The following BRCA1 variants were observed in gnomAD, a reference collection of about 807,000 sequenced individuals.
The protein encoded by BRCA1 is breast cancer type 1 susceptibility protein.
BRCA1 carries 140 observed loss-of-function variants against 173.7 expected under a neutral mutation model. The observed-to-expected ratio is 0.81, with a 90% CI of 0.70 to 0.93. The LOEUF (loss-of-function observed/expected upper bound fraction) is 0.93, where lower values mean the gene tolerates loss of function less well. BRCA1 is among the 40% of genes least tolerant of loss of function. The probability of loss-of-function intolerance (pLI) is 0.00; values close to 1 mark genes in which losing one functional copy is unlikely to be tolerated. For synonymous variants in BRCA1, 662 were observed against 756.0 expected (o/e 0.88, Z 2.04); for missense variants, 1,983 against 2,172.5 (o/e 0.91, Z 1.73).
At chr17:43,134,328 CA>C (rs1375075569) in intron 1 of BRCA1, among the ~76,000 whole-genome samples, 1 of 152,166 alleles carries the variant, frequency 6.6e-6, no homozygotes, top group Non-Finnish European at 1.5e-5. Flanking sequence ...GACAAGCCTG[CA>C]GACCTTTCAA....
At chr17:43,084,460 C>T (rs947259932) in intron 11 of BRCA1, among the ~76,000 whole-genome samples, 1 of 152,164 alleles carries the variant, frequency 6.6e-6, no homozygotes, top group Non-Finnish European at 1.5e-5. Flanking sequence ...GTCACTGTGC[C>T]TGGCTTCAAA....
At chr17:43,121,252 G>A (rs962832936) in intron 2 of BRCA1, among the ~76,000 whole-genome samples, 1 of 149,524 alleles carries the variant, frequency 6.7e-6, no homozygotes. Context: ...GTGGGCGCCT[G>A]TAGTCCCAGC....
Position 43,132,180 on chromosome 17 carries a change from G to T in BRCA1, c.-19-8065C>A, listed in dbSNP as rs371058039. ...AGAGAGGTTTTGGTACTTGCCTGAGGTCACACACTCTGGGCTCTCTGCTTG... is the reference window on the plus strand; with the variant it reads ...AGAGAGGTTTTGGTACTTGCCTGAGTTCACACACTCTGGGCTCTCTGCTTG... On this transcript the variant is annotated intron_variant, in intron 1 of 7. Coordinates refer to the BRCA1 transcript ENST00000634433. 6.6e-5 allele frequency among the ~76,000 whole-genome samples: 10 copies of T among 152,306 alleles called. No homozygotes were observed. The South Asian group carries it at 1.0e-3, about 16-fold the overall frequency.
chr17:43,124,763 T>C (rs2055790717), intron 1 of BRCA1: 1 of 210,310 alleles, frequency 4.8e-6, no homozygotes, highest in Non-Finnish European at 9.8e-6. Context: ...TTTTGTTTTG[T>C]TTTGTTTTGT....
Position 43,052,344 on chromosome 17 carries a change from G to A in BRCA1, c.5278-1227C>T, listed in dbSNP as rs111563453. The stretch of plus-strand genomic sequence containing the variant: ...CACTCAGGCTGGAGTACAGTGGCAC[G>A]ATCATAGCTTGCTGCAGTATTGAAC... On this transcript the variant is annotated intron_variant, in intron 19 of 22. Transcript: ENST00000357654. Among the ~76,000 whole-genome samples, 713 of 151,992 alleles carry A rather than the reference G, an allele frequency of 4.7e-3. 10 individuals carry two copies. The highest frequency in any genetic ancestry group is 0.016 in the African/African-American group (658 of 41,454).
At chr17:43,072,249 C>A (rs183687995) in intron 14 of BRCA1, among the ~76,000 whole-genome samples, 1 of 151,384 alleles carries the variant, frequency 6.6e-6, no homozygotes, top group East Asian at 2.0e-4. Context: ...ATTAGCCGGG[C>A]GTGGTGGTGC....
chr17:43,087,816 C>T (rs897870136), intron 11 of BRCA1, among the ~76,000 whole-genome samples: 1 of 152,080 alleles, frequency 6.6e-6, no homozygotes, highest in Non-Finnish European at 1.5e-5. Context: ...CTCACCACGG[C>T]CTCAACTTGC....
chr17:43,094,696 G>C lies in BRCA1; in HGVS notation c.835C>G (p.His279Asp), dbSNP rs1380919500. Residue 279 changes from histidine (H) to aspartate (D), a missense_variant, in exon 10 of 23, where the codon CAT becomes GAT. By Grantham distance (81) the His-to-Asp change is moderately conservative. Transcript: ENST00000357654. Reference sequence around the variant, plus strand: ...TTCTCATGCTGTAATGAGCTGGCATGAGTATTTGTGCCACATGGCTCCACA... The same window carrying C: ...TTCTCATGCTGTAATGAGCTGGCATCAGTATTTGTGCCACATGGCTCCACA... ...LHVEPCGTNTHASSLQHENSS... is the reference protein window; with the variant it reads ...LHVEPCGTNTDASSLQHENSS... 1 of 1,613,360 alleles carries C rather than the reference G, an allele frequency of 6.2e-7. No homozygotes were observed. Among genetic ancestry groups the C allele is most frequent in the Non-Finnish European group, 8.5e-7 (1 of 1,179,522 alleles).
chr17:43,160,669 T>C (rs1290245424), intron 1 of BRCA1: 2 of 152,124 alleles, frequency 1.3e-5, no homozygotes, highest in Admixed American at 6.5e-5. Context: ...TTTTCTTTCT[T>C]TGGAGGCAGA....
At chr17:43,123,291 C>T (rs2055669110) in intron 2 of BRCA1, among the ~76,000 whole-genome samples, 1 of 150,690 alleles carries the variant, frequency 6.6e-6, no homozygotes, top group Admixed American at 6.6e-5. Flanking sequence ...TGTACAGAGC[C>T]AGTTTCAAAC....
At chr17:43,167,550 C>G (rs2056276082) in intron 1 of BRCA1, 1 of 152,128 alleles carries the variant, frequency 6.6e-6, no homozygotes, top group Admixed American at 6.5e-5. Context: ...CCAATCAGGT[C>G]AGGGGTTGAT....
At chr17:43,126,647 G>C (rs1208071615), upstream of BRCA1, among the ~76,000 whole-genome samples, 2 of 152,234 alleles carry the variant, frequency 1.3e-5, no homozygotes, top group African/African-American at 4.8e-5. Context: ...CCGGAGAGTT[G>C]GAGAGTCTGT....
intron 1 of BRCA1, among the ~76,000 whole-genome samples, chr17:43,135,744 G>A (rs929462196): frequency 2.0e-5 from 3 of 152,180 alleles, no homozygotes; most frequent in African/African-American, 4.8e-5. Context: ...TCTCGAATGG[G>A]GGTGGCCCTC....
intron 1 of BRCA1, among the ~76,000 whole-genome samples, chr17:43,152,994 C>T (rs1201795727): frequency 3.3e-5 from 5 of 152,040 alleles, no homozygotes; most frequent in Non-Finnish European, 7.4e-5. Context: ...GAGATCTTGC[C>T]ACTGCCCTCC....
intron 2 of BRCA1, among the ~76,000 whole-genome samples, chr17:43,121,420 C>G (rs1207786661): frequency 6.6e-6 from 1 of 151,646 alleles, no homozygotes; most frequent in Non-Finnish European, 1.5e-5. Context: ...AGCGGTGGCT[C>G]ACGCCTGTAA....
At chr17:43,130,105 C>A (rs2055952909), upstream of BRCA1, among the ~76,000 whole-genome samples, 1 of 152,108 alleles carries the variant, frequency 6.6e-6, no homozygotes, top group African/African-American at 2.4e-5. Flanking sequence ...TTTTACAGGG[C>A]AGTGCATTAC....
At chr17:43,167,147 T>TC (rs1382122501) in intron 1 of BRCA1, 1 of 151,798 alleles carries the variant, frequency 6.6e-6, no homozygotes, top group Non-Finnish European at 1.5e-5. Context: ...CTGGTTGGAG[T>TC]CCCCTGCAGG....
At chr17:43,082,238 C>T (rs1267776062) in intron 12 of BRCA1, among the ~76,000 whole-genome samples, 166 bp downstream of exon 12, 2 of 152,164 alleles carry the variant, frequency 1.3e-5, no homozygotes, top group African/African-American at 4.8e-5. Context: ...GTCCCTCTGA[C>T]TGGTATATTA....
intron 1 of BRCA1, among the ~76,000 whole-genome samples, chr17:43,150,280 T>G (rs2056152484): frequency 6.6e-6 from 1 of 152,000 alleles, no homozygotes; most frequent in Admixed American, 6.6e-5. Context: ...TGGCTAAATG[T>G]TGTATTTTTA....
Sources: gnomAD v4.1 joint callset for allele counts (sites outside exome capture counted in the v4.1 genomes callset) on GRCh38, gnomAD v4.1.1 for gene constraint, MANE v1.5 for transcripts, NCBI Gene and HGNC (gene_info 2026-07-23, HGNC 2026-07-21) for gene names.